The following PARP1 variants were observed in gnomAD, a reference collection of about 807,000 sequenced individuals.
The protein encoded by PARP1 is poly(ADP-ribose) polymerase 1.
In PARP1, 44 loss-of-function variants were observed where a neutral mutation model predicts 118.7. The observed-to-expected ratio is 0.37, with a 90% CI of 0.29 to 0.48. The LOEUF (loss-of-function observed/expected upper bound fraction) is 0.48, where lower values mean the gene tolerates loss of function less well. Ranked by LOEUF, PARP1 falls within the 20% of genes least tolerant of loss-of-function variation. The pLI is 0.99. For synonymous variants in PARP1, 492 were observed against 483.2 expected (o/e 1.02, Z -0.24); for missense variants, 1,100 against 1,272.4 (o/e 0.86, Z 2.06).
intron 2 of PARP1, among the ~76,000 whole-genome samples, chr1:226,395,250 A>G (rs1343918658): frequency 1.3e-5 from 2 of 152,252 alleles, no homozygotes; most frequent in Non-Finnish European, 2.9e-5. Flanking sequence ...TGGAATTACC[A>G]TGATTCAGTG....
Position 226,378,637 on chromosome 1 carries a change from C to T in PARP1, c.1745+505G>A, listed in dbSNP as rs3219083. On this transcript the variant is annotated intron_variant, in intron 12 of 22. Coordinates refer to ENST00000366794, the MANE Select transcript of PARP1 (RefSeq NM_001618.4). ...CTGAGGCGGGAGGATCACTTGAGTCCAGGAGTTTGAGACCAGTCTGGGCAA... is the reference window on the plus strand; with the variant it reads ...CTGAGGCGGGAGGATCACTTGAGTCTAGGAGTTTGAGACCAGTCTGGGCAA... Among the ~76,000 whole-genome samples the T allele has an allele frequency of 5.5e-3, 840 of 152,154 alleles. 8 individuals carry two copies. The highest frequency in any genetic ancestry group is 0.021 in the South Asian group (101 of 4,822).
chr1:226,366,273 A>G (rs1664264073), intron 17 of PARP1: 1 of 540,966 alleles, frequency 1.8e-6, no homozygotes, highest in Non-Finnish European at 3.3e-6. Context: ...GCTGCTAGAG[A>G]ATCTCAGGGT....
chr1:226,377,375 T>C, intron 12 of PARP1, 72 bp from the exon 13 acceptor site: 2 of 1,147,830 alleles, frequency 1.7e-6, no homozygotes, highest in African/African-American at 1.5e-5. Context: ...TCCCCTTTCC[T>C]GCCATTACAT....
Position 226,386,749 on chromosome 1 carries a change from G to T in PARP1, c.718-307C>A, listed in dbSNP as rs142601514. Among the ~76,000 whole-genome samples, 1,004 of 152,286 alleles carry T rather than the reference G, an allele frequency of 6.6e-3. 14 individuals carry two copies. Among genetic ancestry groups the T allele is most frequent in the African/African-American group, 0.023 (952 of 41,554 alleles). The stretch of plus-strand genomic sequence containing the variant: ...AGAAATCAATCCCCAGAAACACCAG[G>T]TAAGAGCCTGGAGGTGCTAGGCTGA... On this transcript the variant is annotated intron_variant, in intron 5 of 22. Transcript: ENST00000366794.
chr1:226,393,610 G>C (rs1664858808), intron 2 of PARP1, among the ~76,000 whole-genome samples: 1 of 152,232 alleles, frequency 6.6e-6, no homozygotes, highest in Admixed American at 6.5e-5. Context: ...AAGCGTGTAA[G>C]AGGGTATACA....
At chr1:226,367,251 G>C in intron 17 of PARP1, 2 of 570,610 alleles carry the variant, frequency 3.5e-6, no homozygotes, top group South Asian at 4.0e-5. Flanking sequence ...GTGCTGGCTT[G>C]GAAGGCTGCC....
intron 1 of PARP1, 73 bp downstream of exon 1, chr1:226,407,736 TC>T (rs1343135271): frequency 2.3e-6 from 2 of 869,512 alleles, no homozygotes; most frequent in Non-Finnish European, 3.4e-6. Flanking sequence ...GGGCCCGCCC[TC>T]CCCCAGCCTT....
intron 18 of PARP1, 46 bp from the exon 19 acceptor site, chr1:226,365,200 T>TTA: frequency 6.2e-7 from 1 of 1,605,062 alleles, no homozygotes; most frequent in Non-Finnish European, 8.5e-7. Flanking sequence ...AAGCCATTTG[T>TTA]TACTCTGGTT....
chr1:226,401,361 T>C (rs1665032442), intron 2 of PARP1, among the ~76,000 whole-genome samples: 2 of 152,252 alleles, frequency 1.3e-5, no homozygotes, highest in Non-Finnish European at 2.9e-5. Flanking sequence ...CCACAGGCAC[T>C]GTGCTGAGAG....
In PARP1 at chr1:226,380,174, T is replaced by C. The variant is rs201739264; in HGVS notation, c.1301-10A>G. On this transcript the variant is annotated splice_polypyrimidine_tract_variant and intron_variant, in intron 9 of 22. Coordinates refer to ENST00000366794, the MANE Select transcript of PARP1 (RefSeq NM_001618.4). ...ATCTTTTCCACCTCCTCTGTTCAAA[T>C]TGAAAGGAAAAAAAACCAAAATACA... 16 of 1,613,836 alleles carry C rather than the reference T, an allele frequency of 9.9e-6. No individual in the cohort carries two copies. The highest frequency in any genetic ancestry group is 1.2e-5 in the Non-Finnish European group (14 of 1,179,934).
chr1:226,379,884 G>C, intron 10 of PARP1, 38 bp downstream of exon 10: 3 of 1,612,484 alleles, frequency 1.9e-6, no homozygotes, highest in Non-Finnish European at 2.5e-6. Context: ...CAATGTCCCT[G>C]GCTTTTGGCC....
intron 13 of PARP1, 28 bp from the exon 14 acceptor site, chr1:226,374,382 G>T (rs748049976): frequency 1.2e-6 from 2 of 1,613,974 alleles, no homozygotes; most frequent in South Asian, 2.2e-5. Flanking sequence ...ATTGCTAAGA[G>T]ACCCAAATCA....
chr1:226,400,329 A>C (rs972933388), intron 2 of PARP1, among the ~76,000 whole-genome samples: 16 of 152,154 alleles, frequency 1.1e-4, no homozygotes, highest in African/African-American at 3.9e-4. Context: ...AACAACAACA[A>C]AAAAACAAAG....
chr1:226,377,180 C>T lies in PARP1; in HGVS notation c.1869G>A (p.Gly623=), dbSNP rs540778599. Residue 623 remains glycine, a synonymous_variant, in exon 13 of 23, where the codon GGG becomes GGA. Coordinates refer to ENST00000366794, the MANE Select transcript of PARP1 (RefSeq NM_001618.4). ...HFMKLYEEKT[G]NAWHSKNFTK... ...TGAAATTTTTGGAGTGCCAAGCGTT[C>T]CCGGTTTTTTCTTCATATAATTTCA... is the stretch of plus-strand genomic sequence containing the variant. 6.2e-7 allele frequency: 1 copy of T among 1,614,056 alleles called. No homozygotes were observed. The highest frequency in any genetic ancestry group is 1.1e-5 in the South Asian group (1 of 91,070).
At position 226,407,988 on chromosome 1, in the gene PARP1, G is replaced by T; in HGVS notation, c.-59C>A. On this transcript the variant is annotated 5_prime_UTR_variant, in exon 1 of 23. Transcript: ENST00000366794. Reference sequence around the variant, plus strand: ...CGACGCCACGACCTAGAAACACGCTGCCGCCTCGCCGCCTCGCGTGCGCTC... The same window carrying T: ...CGACGCCACGACCTAGAAACACGCTTCCGCCTCGCCGCCTCGCGTGCGCTC... 1 of 1,601,212 alleles carries T rather than the reference G, an allele frequency of 6.2e-7. No homozygotes were observed. Among genetic ancestry groups the T allele is most frequent in the Middle Eastern group, 1.7e-4 (1 of 6,036 alleles).
chr1:226,385,961 T>C (rs754283474), intron 6 of PARP1, among the ~76,000 whole-genome samples: 1 of 152,158 alleles, frequency 6.6e-6, no homozygotes, highest in Non-Finnish European at 1.5e-5. Context: ...TTGCAGAAAG[T>C]ACAGTGCCAA....
At chr1:226,407,722 C>G in intron 1 of PARP1, 88 bp downstream of exon 1, 1 of 1,381,286 alleles carries the variant, frequency 7.2e-7, no homozygotes, top group Non-Finnish European at 9.7e-7. Flanking sequence ...CCCGCTCGCT[C>G]CCTGGGCCCG....
At chr1:226,407,732 G>T in intron 1 of PARP1, 78 bp downstream of exon 1, 1 of 1,102,994 alleles carries the variant, frequency 9.1e-7, no homozygotes, top group Non-Finnish European at 1.3e-6. Context: ...CCCTGGGCCC[G>T]CCCTCCCCCA....
At position 226,380,125 on chromosome 1, in the gene PARP1, T is replaced by G; in HGVS notation, c.1340A>C (p.Lys447Thr). The change falls in exon 10 of 23, where the codon AAG (lysine) becomes ACG (threonine). Residue 447 changes from lysine to threonine, a missense_variant. Physicochemically the swap from Lys to Thr is moderately conservative, Grantham distance 78 (BLOSUM62 -1). Around this residue, in one of 2 missense-constraint regions of PARP1, gnomAD observed 948 missense variants for 1,031.8 expected, o/e 0.92. Coordinates refer to ENST00000366794, the MANE Select transcript of PARP1 (RefSeq NM_001618.4). ...AGACACAACTCGGATGTTGGCTTCC[T>G]TTACTTCCTCCATCTTCTTATTCAT... ...EKMNKKMEEV[K>T]EANIRVVSED... 1 of 1,614,120 alleles carries G rather than the reference T, an allele frequency of 6.2e-7. No individual in the cohort carries two copies. Among genetic ancestry groups the G allele is most frequent in the Non-Finnish European group, 8.5e-7 (1 of 1,179,964 alleles).
Sources: gnomAD v4.1 joint callset for allele counts (sites outside exome capture counted in the v4.1 genomes callset) on GRCh38, gnomAD v4.1.1 for gene constraint, gnomAD v4.1.1 regional missense constraint, MANE v1.5 for transcripts, NCBI Gene and HGNC (gene_info 2026-07-23, HGNC 2026-07-21) for gene names.